CFHR5: variants seen among roughly 807,000 people sequenced by gnomAD.
The protein encoded by CFHR5 is complement factor H related 5, also known as complement factor H-related protein 5.
Under a neutral mutation model 62.9 loss-of-function variants are expected in CFHR5, and 73 were observed. The observed-to-expected ratio is 1.16, with a 90% CI of 0.96 to 1.41. CFHR5 has a LOEUF of 1.41. Among genes scored for constraint, CFHR5 ranks in the 40% most tolerant of loss-of-function variants. The pLI is 0.00. For missense variants in CFHR5, 779 were observed against 679.9 expected (o/e 1.15, Z -1.62); for synonymous variants, 249 against 227.2 (o/e 1.10, Z -0.86).
At chr1:197,004,552 T>C (rs1558290951) in intron 8 of CFHR5, 109 bp from the exon 9 acceptor site, 4 of 870,236 alleles carry the variant, frequency 4.6e-6, no homozygotes, top group African/African-American at 1.7e-5. Context: ...CTGTAATTAA[T>C]TATTTGAATT....
chr1:196,975,122 C>G (rs571249711), upstream of CFHR5, among the ~76,000 whole-genome samples: 3 of 152,062 alleles, frequency 2.0e-5, no homozygotes, highest in Non-Finnish European at 4.4e-5. Flanking sequence ...CAGGTATTTC[C>G]AAATGGAAGG....
rs140999324 is a variant in CFHR5, at chr1:197,003,552, A to T, written c.1330+888A>T. On this transcript the variant is annotated intron_variant, in intron 8 of 9. Coordinates refer to ENST00000256785, the MANE Select transcript of CFHR5 (RefSeq NM_030787.4). ...ATATTTCAAAATATTACTTGACAAA[A>T]CATCAGATATGGCAAAGAGTGCTTA... Among the ~76,000 whole-genome samples the T allele has an allele frequency of 5.8e-4, 89 of 152,306 alleles. No homozygotes were observed. In the East Asian group the frequency reaches 0.014, roughly 23 times the overall value.
chr1:197,004,803 A>T lies in CFHR5; in HGVS notation c.1473A>T (p.Thr491=), dbSNP rs1285049730. The change falls in exon 9 of 10, where the codon ACA becomes ACT. Residue 491 remains threonine, a synonymous_variant. Coordinates refer to ENST00000256785, the MANE Select transcript of CFHR5 (RefSeq NM_030787.4). ...FYKLQGSVTV[T]CRNKQWSEPP... is the part of the protein sequence containing the mutation. ...AACTCCAGGGCTCTGTAACTGTAAC[A>T]TGCAGAAATAAACAGTGGTCAGAAC... The T allele has an allele frequency of 6.2e-7, 1 of 1,613,816 alleles. No homozygotes were observed. The highest frequency in any genetic ancestry group is 2.2e-5 in the East Asian group (1 of 44,862).
rs1224490545 is a variant in CFHR5, at chr1:197,004,804, T to C, written c.1474T>C (p.Cys492Arg). 3 of 1,613,728 alleles carry C rather than the reference T, an allele frequency of 1.9e-6. No individual in the cohort carries two copies. Among genetic ancestry groups the C allele is most frequent in the Non-Finnish European group, 2.5e-6 (3 of 1,179,820 alleles). Reference protein sequence around the residue: ...YKLQGSVTVTCRNKQWSEPPR... With the variant: ...YKLQGSVTVTRRNKQWSEPPR... ...ACTCCAGGGCTCTGTAACTGTAACA[T>C]GCAGAAATAAACAGTGGTCAGAACC... Residue 492 changes from cysteine to arginine, a missense_variant, in exon 9 of 10, where the codon TGC (cysteine) becomes CGC (arginine). Transcript: ENST00000256785.
chr1:197,009,543 A>C lies in CFHR5; in HGVS notation c.*860A>C, dbSNP rs906120832. 1 of 152,178 alleles carries C rather than the reference A, an allele frequency of 6.6e-6. No individual in the cohort carries two copies. The highest frequency in any genetic ancestry group is 1.9e-4 in the East Asian group (1 of 5,190). 9.4% of individuals were successfully genotyped at this position (152,178 alleles called of 1,614,324 possible). The stretch of plus-strand genomic sequence containing the variant: ...ATCTTCATGTTATTATCACTTAAAA[A>C]CCTGCGAAAGCTGTCAACTTTTGTG... On this transcript the variant is annotated 3_prime_UTR_variant, in exon 10 of 10. Coordinates refer to ENST00000256785, the MANE Select transcript of CFHR5 (RefSeq NM_030787.4).
chr1:197,006,184 A>G (rs1444934274), intron 9 of CFHR5, among the ~76,000 whole-genome samples: 2 of 152,268 alleles, frequency 1.3e-5, no homozygotes, highest in East Asian at 3.9e-4. Flanking sequence ...AAAATTTGTA[A>G]CCTAAAAAGT....
chr1:196,983,857 C>T, intron 2 of CFHR5, 104 bp from the exon 3 acceptor site: 1 of 729,410 alleles, frequency 1.4e-6, no homozygotes, highest in East Asian at 2.7e-5. Flanking sequence ...AAAATATTTA[C>T]ACATGATGTC....
Position 197,004,687 on chromosome 1 carries a change from C to G in CFHR5, c.1357C>G (p.Pro453Ala), listed in dbSNP as rs184883943. The change falls in exon 9 of 10, where the codon CCA becomes GCA. Residue 453 changes from proline (P) to alanine (A), a missense_variant. Pro to Ala is a conservative substitution (Grantham distance 27). Coordinates refer to ENST00000256785, the MANE Select transcript of CFHR5 (RefSeq NM_030787.4). ...GTCTACTGCATATTGTGGGCCCCCTCCATCTATTAACAATGGAGATACCAC... is the reference window on the plus strand; with the variant it reads ...GTCTACTGCATATTGTGGGCCCCCTGCATCTATTAACAATGGAGATACCAC... Reference protein sequence around the residue: ...VESTAYCGPPPSINNGDTTSF... With the variant: ...VESTAYCGPPASINNGDTTSF... 6.2e-7 allele frequency: 1 copy of G among 1,613,578 alleles called. No homozygotes were observed. The highest frequency in any genetic ancestry group is 1.1e-5 in the South Asian group (1 of 91,060).
Position 197,004,840 on chromosome 1 carries a change from CT to C in CFHR5, c.1511del (p.Leu504GlnfsTer11), listed in dbSNP as rs774231868. On this transcript the variant is annotated frameshift_variant and splice_region_variant, in exon 9 of 10. Coordinates refer to ENST00000256785, the MANE Select transcript of CFHR5 (RefSeq NM_030787.4). LOFTEE classifies it low-confidence loss of function (END_TRUNC). ...NKQWSEPPRCLDPCVVSEENM... is the reference protein window; with the variant it reads ...NKQWSEPPRCXDPCVVSEENM... ...ACAGTGGTCAGAACCACCAAGATGCCTAGGTGAGTTCTTAATATTCTCTTGG... is the reference window on the plus strand; with the variant it reads ...ACAGTGGTCAGAACCACCAAGATGCCAGGTGAGTTCTTAATATTCTCTTGG... 71 of 1,607,298 alleles carry C rather than the reference CT, an allele frequency of 4.4e-5. No homozygotes were observed. Among genetic ancestry groups the C allele is most frequent in the Middle Eastern group, 1.7e-4 (1 of 6,056 alleles).
intron 3 of CFHR5, among the ~76,000 whole-genome samples, chr1:196,992,392 T>C (rs917208379): frequency 6.6e-6 from 1 of 151,890 alleles, no homozygotes; most frequent in African/African-American, 2.4e-5. Context: ...AAGTGCAGTA[T>C]TTGTGTGTGA....
intron 1 of CFHR5, among the ~76,000 whole-genome samples, chr1:196,982,176 G>A (rs752276667): frequency 2.6e-5 from 4 of 152,016 alleles, no homozygotes; most frequent in African/African-American, 9.7e-5. Context: ...GACAGTTGAT[G>A]AGAATAGAAA....
At chr1:196,999,722 T>TATATACACACAC (rs1164729053) in intron 7 of CFHR5, among the ~76,000 whole-genome samples, 5 of 116,196 alleles carry the variant, frequency 4.3e-5, no homozygotes, top group African/African-American at 1.7e-4. Flanking sequence ...TATATATATA[T>TATATACACACAC]ACACACACAC....
chr1:196,998,100 A>C (rs1297927485), intron 6 of CFHR5, 28 bp from the exon 7 acceptor site: 1 of 1,329,216 alleles, frequency 7.5e-7, no homozygotes, highest in South Asian at 1.3e-5. Flanking sequence ...ATAATTGTTT[A>C]GTTTCTATTT....
chr1:196,975,892 G>C (rs1653385641), upstream of CFHR5, among the ~76,000 whole-genome samples: 1 of 152,152 alleles, frequency 6.6e-6, no homozygotes. Flanking sequence ...GAACGAATGG[G>C]CAGGAGAGTG....
intron 9 of CFHR5, among the ~76,000 whole-genome samples, chr1:197,005,548 A>G (rs538033897): frequency 6.6e-6 from 1 of 152,302 alleles, no homozygotes; most frequent in South Asian, 2.1e-4. Context: ...CGGTCATGAC[A>G]AACTAAAAGG....
At position 197,008,670 on chromosome 1, in the gene CFHR5, C is replaced by T. The variant is rs781203577; in HGVS notation, c.1697C>T (p.Pro566Leu). 22 of 1,612,044 alleles carry T rather than the reference C, an allele frequency of 1.4e-5. No individual in the cohort carries two copies. In the Admixed American group the frequency reaches 3.5e-4, roughly 26 times the overall value. ...TGTCAGGAAGGGAAATTTGAATATC[C>T]TATATGTGAATGAAGCAAGCATAAT... ...AICQEGKFEY[P>L]ICE The change falls in exon 10 of 10, where the codon CCT becomes CTT. Residue 566 changes from proline (P) to leucine (L), a missense_variant. Pro to Leu is a moderately conservative substitution (Grantham distance 98, BLOSUM62 -3). Coordinates refer to ENST00000256785, the MANE Select transcript of CFHR5 (RefSeq NM_030787.4).
Position 197,002,677 on chromosome 1 carries a change from T to C in CFHR5, c.1330+13T>C. On this transcript the variant is annotated intron_variant, in intron 8 of 9. Transcript: ENST00000256785. ...CCACGCTGTGTTGGTTAGTAGTTTA[T>C]TTCTAAGTAATTTCACTTAAAAAGA... 1 of 1,603,770 alleles carries C rather than the reference T, an allele frequency of 6.2e-7. No homozygotes were observed. Among genetic ancestry groups the C allele is most frequent in the Non-Finnish European group, 8.5e-7 (1 of 1,171,148 alleles).
In CFHR5 at chr1:196,983,971, C is replaced by T. The variant is rs1653611260; in HGVS notation, c.264C>T (p.Ser88=). The T allele has an allele frequency of 6.2e-7, 1 of 1,610,134 alleles. No individual in the cohort carries two copies. Among genetic ancestry groups the T allele is most frequent in the Non-Finnish European group, 8.5e-7 (1 of 1,177,886 alleles). Residue 88 remains serine (S), a synonymous_variant, in exon 3 of 10, where the codon TCC becomes TCT. Transcript: ENST00000256785. ...ATTTTTGTTCCTTAGGAATGTGTTC[C>T]TTTCCTTTTGTGAAAAATGGTCATT... The part of the protein sequence containing the change: ...SPTPKCLRMC[S]FPFVKNGHSE...
At chr1:196,983,199 G>A in intron 2 of CFHR5, 120 bp downstream of exon 2, 1 of 1,312,078 alleles carries the variant, frequency 7.6e-7, no homozygotes. Flanking sequence ...TGGAAAAATG[G>A]GAGATGTAGT....
Sources: allele counts gnomAD v4.1 joint callset (sites outside exome capture counted in the v4.1 genomes callset), GRCh38; gene constraint gnomAD v4.1.1; transcripts MANE v1.5; gene names NCBI Gene and HGNC (gene_info 2026-07-23, HGNC 2026-07-21).